XRCC4: variants seen among roughly 807,000 people sequenced by gnomAD.
XRCC4 encodes the protein DNA repair protein XRCC4.
A neutral mutation model predicts 39.1 loss-of-function variants in XRCC4; 28 were observed. The observed-to-expected ratio is 0.72, with a 90% CI of 0.53 to 0.98. The LOEUF is 0.98. Among genes scored for constraint, XRCC4 ranks in the 50% least tolerant of loss-of-function variants. XRCC4 has a pLI of 0.00. For missense variants in XRCC4, 350 were observed against 376.4 expected (o/e 0.93, Z 0.58); for synonymous variants, 123 against 126.4 (o/e 0.97, Z 0.18).
At chr5:83,352,425 T>C (rs1580542080) in intron 7 of XRCC4, among the ~76,000 whole-genome samples, 1 of 152,218 alleles carries the variant, frequency 6.6e-6, no homozygotes, top group East Asian at 1.9e-4. Flanking sequence ...AGCTCTGTTA[T>C]TCTCTGGCAC....
intron 7 of XRCC4, among the ~76,000 whole-genome samples, chr5:83,331,232 G>T (rs929605653): frequency 6.6e-6 from 1 of 152,006 alleles, no homozygotes. Flanking sequence ...TTATCAGATG[G>T]TGCTCCAACA....
intron 1 of XRCC4, among the ~76,000 whole-genome samples, chr5:83,078,437 A>T (rs553479004): frequency 1.3e-5 from 2 of 152,312 alleles, no homozygotes; most frequent in Non-Finnish European, 2.9e-5. Context: ...TTCTTTTCAG[A>T]ATGTTTTCAA....
chr5:83,321,880 A>G (rs148832499), intron 7 of XRCC4, among the ~76,000 whole-genome samples: 29 of 151,832 alleles, frequency 1.9e-4, no homozygotes, highest in African/African-American at 6.3e-4. Context: ...AAATGGCACA[A>G]AGACCAGGAA....
chr5:83,185,939 C>T (rs1200366415), intron 3 of XRCC4, among the ~76,000 whole-genome samples: 2 of 152,054 alleles, frequency 1.3e-5, no homozygotes, highest in Non-Finnish European at 2.9e-5. Flanking sequence ...TGTAACTGCT[C>T]CACAAGTAAT....
intron 3 of XRCC4, among the ~76,000 whole-genome samples, chr5:83,190,230 C>CT (rs1373653209): frequency 1.3e-5 from 2 of 151,936 alleles, no homozygotes; most frequent in Admixed American, 1.3e-4. Context: ...GTTCAGTCAC[C>CT]TTTTTTTAAA....
At chr5:83,282,766 C>T (rs1455561400) in intron 7 of XRCC4, among the ~76,000 whole-genome samples, 1 of 152,022 alleles carries the variant, frequency 6.6e-6, no homozygotes, top group African/African-American at 2.4e-5. Flanking sequence ...GGCACGAACC[C>T]GGAAGGTGGA....
At chr5:83,085,486 T>C (rs542942356) in intron 1 of XRCC4, among the ~76,000 whole-genome samples, 4 of 152,034 alleles carry the variant, frequency 2.6e-5, no homozygotes, top group Non-Finnish European at 5.9e-5. Context: ...TGATTTTTTT[T>C]GTAATTTTTA....
intron 1 of XRCC4, chr5:83,077,889 C>G (rs988643273): frequency 2.6e-5 from 4 of 156,238 alleles, no homozygotes; most frequent in African/African-American, 9.6e-5. Flanking sequence ...ATGCGAAGCA[C>G]TTTTGAAATG....
At chr5:83,343,580 G>A (rs1350028075) in intron 7 of XRCC4, among the ~76,000 whole-genome samples, 1 of 152,172 alleles carries the variant, frequency 6.6e-6, no homozygotes, top group East Asian at 1.9e-4. Context: ...AACAGCACAA[G>A]CTGTGGGCAC....
Position 83,212,744 on chromosome 5 carries a change from A to G in XRCC4, c.745+7823A>G, listed in dbSNP as rs896922279. ...GGAGTTCGAGACTGACCTGGCCAACATGGTGAAACCCCGTCTCTATAAAAA... is the reference window on the plus strand; with the variant it reads ...GGAGTTCGAGACTGACCTGGCCAACGTGGTGAAACCCCGTCTCTATAAAAA... On this transcript the variant is annotated intron_variant, in intron 6 of 7. Transcript: ENST00000396027. Among the ~76,000 whole-genome samples, 7 of 151,836 alleles carry G rather than the reference A, an allele frequency of 4.6e-5. No individual in the cohort carries two copies. The East Asian group carries it at 1.2e-3, about 25-fold the overall frequency.
chr5:83,239,777 C>G (rs78186835), intron 6 of XRCC4, among the ~76,000 whole-genome samples: 1 of 151,352 alleles, frequency 6.6e-6, no homozygotes, highest in African/African-American at 2.4e-5. Context: ...TGCAGTGAGC[C>G]GAGATTGGGC....
At chr5:83,253,424 G>C (rs1372229774) in intron 6 of XRCC4, among the ~76,000 whole-genome samples, 1 of 151,806 alleles carries the variant, frequency 6.6e-6, no homozygotes, top group African/African-American at 2.4e-5. Context: ...CTGAAGATTA[G>C]AGCTTCCTTC....
chr5:83,189,972 G>A (rs1750621080), intron 3 of XRCC4, among the ~76,000 whole-genome samples: 1 of 152,174 alleles, frequency 6.6e-6, no homozygotes. Context: ...GCTGAGGCAG[G>A]AGAATCACTT....
chr5:83,188,972 T>A (rs1253768223), intron 3 of XRCC4, among the ~76,000 whole-genome samples: 1 of 152,208 alleles, frequency 6.6e-6, no homozygotes, highest in South Asian at 2.1e-4. Context: ...TCTGTATTTC[T>A]TCATCAGCAC....
chr5:83,256,576 GT>G (rs1444617635), intron 6 of XRCC4, among the ~76,000 whole-genome samples: 8 of 150,330 alleles, frequency 5.3e-5, no homozygotes, highest in Non-Finnish European at 1.0e-4. Context: ...GCATATACTT[GT>G]ACTTTCATTA....
chr5:83,307,210 A>G (rs1755522227), intron 7 of XRCC4, among the ~76,000 whole-genome samples: 1 of 152,204 alleles, frequency 6.6e-6, no homozygotes, highest in South Asian at 2.1e-4. Context: ...ATTAATTCAA[A>G]CTAGTAATGT....
At chr5:83,278,544 A>G (rs77847510) in intron 7 of XRCC4, among the ~76,000 whole-genome samples, 3,035 of 152,302 alleles carry the variant, frequency 0.02, 81 homozygotes, top group African/African-American at 0.068. Flanking sequence ...GTTAAAAAAG[A>G]CAAATGCTAT....
chr5:83,232,752 C>A (rs1752544712), intron 6 of XRCC4, among the ~76,000 whole-genome samples: 1 of 151,620 alleles, frequency 6.6e-6, no homozygotes, highest in African/African-American at 2.4e-5. Context: ...AATTTCTGGT[C>A]AAAAAAAATA....
chr5:83,300,301 G>A (rs1755233384), intron 7 of XRCC4, among the ~76,000 whole-genome samples: 1 of 151,732 alleles, frequency 6.6e-6, no homozygotes, highest in Non-Finnish European at 1.5e-5. Flanking sequence ...GCTCTCCAGT[G>A]CTATTAAGAA....
Sources: allele counts gnomAD v4.1 joint callset (sites outside exome capture counted in the v4.1 genomes callset), GRCh38; gene constraint gnomAD v4.1.1; transcripts MANE v1.5; gene names NCBI Gene and HGNC (gene_info 2026-07-23, HGNC 2026-07-21).